The following MYO18B variants were observed in gnomAD, a reference collection of about 807,000 sequenced individuals.
MYO18B encodes myosin XVIIIB.
In MYO18B, 204 loss-of-function variants were observed where a neutral mutation model predicts 273.0. The ratio of observed to expected loss-of-function variants is 0.75; its 90% CI spans 0.67 to 0.84. The LOEUF is 0.84. Ranked by LOEUF, MYO18B falls within the 40% of genes least tolerant of loss-of-function variation. MYO18B has a pLI of 0.00. For missense variants in MYO18B, 3,212 were observed against 3,287.6 expected, an observed-to-expected ratio of 0.98 and a Z score of 0.56; for synonymous variants, 1,330 against 1,305.7, an observed-to-expected ratio of 1.02 and a Z score of -0.40.
At chr22:25,769,491 T>C in intron 4 of MYO18B, 63 bp downstream of exon 4, 3 of 1,383,192 alleles carry the variant, frequency 2.2e-6, no homozygotes, top group South Asian at 3.0e-5. Flanking sequence ...GATGCAGGGA[T>C]GGGAAAGATC....
chr22:26,003,431 A>G (rs1402628002), intron 41 of MYO18B, 122 bp downstream of exon 41: 1 of 839,060 alleles, frequency 1.2e-6, no homozygotes, highest in African/African-American at 1.7e-5. Flanking sequence ...CCATGAGACT[A>G]ATGCCTTCAT....
intron 39 of MYO18B, among the ~76,000 whole-genome samples, chr22:25,988,926 T>C (rs2093230938): frequency 6.6e-6 from 1 of 152,168 alleles, no homozygotes; most frequent in African/African-American, 2.4e-5. Flanking sequence ...GCAGCTCGGC[T>C]CCAGAGCCTA....
At chr22:25,795,686 T>C (rs540650168) in intron 11 of MYO18B, among the ~76,000 whole-genome samples, 1 of 152,338 alleles carries the variant, frequency 6.6e-6, no homozygotes, top group African/African-American at 2.4e-5. Context: ...GCTAGGGATT[T>C]TGTGATCCTG....
At chr22:25,979,366 CCT>C (rs1353613176) in intron 39 of MYO18B, among the ~76,000 whole-genome samples, 2 of 152,074 alleles carry the variant, frequency 1.3e-5, no homozygotes, top group South Asian at 2.1e-4. Flanking sequence ...TAATTATTCC[CCT>C]GTCAGGAAAA....
At chr22:25,909,623 C>T (rs2092116757) in intron 32 of MYO18B, among the ~76,000 whole-genome samples, 1 of 152,184 alleles carries the variant, frequency 6.6e-6, no homozygotes, top group Non-Finnish European at 1.5e-5. Flanking sequence ...GTGCCCTGAG[C>T]CAGGGCTCCA....
At chr22:25,798,252 C>A (rs1601726414) in intron 12 of MYO18B, among the ~76,000 whole-genome samples, 155 bp downstream of exon 12, 1 of 152,118 alleles carries the variant, frequency 6.6e-6, no homozygotes, top group Non-Finnish European at 1.5e-5. Context: ...AACTAGGCGT[C>A]GTGAGGAGGA....
At chr22:25,986,662 G>A (rs2093205740) in intron 39 of MYO18B, among the ~76,000 whole-genome samples, 1 of 152,158 alleles carries the variant, frequency 6.6e-6, no homozygotes, top group Non-Finnish European at 1.5e-5. Flanking sequence ...ATTTTCATCA[G>A]GTTTCAGGAT....
intron 1 of MYO18B, among the ~76,000 whole-genome samples, chr22:25,753,785 G>A (rs1181338463): frequency 6.6e-6 from 1 of 152,174 alleles, no homozygotes; most frequent in Non-Finnish European, 1.5e-5. Flanking sequence ...GAACCCATGA[G>A]AAGGAAGAAA....
chr22:25,908,318 GCAGC>G lies in MYO18B; in HGVS notation c.5149-3_5149del. 2.5e-6 allele frequency: 4 copies of G among 1,571,418 alleles called. No homozygotes were observed. Among genetic ancestry groups the G allele is most frequent in the Non-Finnish European group, 3.5e-6 (4 of 1,158,570 alleles). On this transcript the variant is annotated splice_acceptor_variant and splice_polypyrimidine_tract_variant and coding_sequence_variant and intron_variant, in exon 32 of 44. Coordinates refer to ENST00000335473, the MANE Select transcript of MYO18B (RefSeq NM_032608.7). LOFTEE classifies it high-confidence loss of function. ...CTCACGTGCTGTCCTTGCTGCCCCC[GCAGC>G]TCCGCCAGCGGTTTGAGCTGGAGAT...
chr22:25,961,413 T>C (rs1389348745), intron 39 of MYO18B, among the ~76,000 whole-genome samples: 2 of 152,194 alleles, frequency 1.3e-5, no homozygotes, highest in African/African-American at 4.8e-5. Flanking sequence ...AAGACAGATG[T>C]TGAGGACTGC....
intron 11 of MYO18B, among the ~76,000 whole-genome samples, chr22:25,788,369 T>C (rs1433780693): frequency 6.6e-6 from 1 of 152,204 alleles, no homozygotes; most frequent in Non-Finnish European, 1.5e-5. Flanking sequence ...CTGTCAGGCT[T>C]AGCAAATCAT....
rs564374117 is a variant in MYO18B, at chr22:25,846,110, C to T, written c.3379C>T (p.Arg1127Trp). 5.7e-6 allele frequency: 9 copies of T among 1,567,974 alleles called. No individual in the cohort carries two copies. The East Asian group carries it at 9.3e-5, about 16-fold the overall frequency. ...VLHQSKREEL[R>W]SLFQARAKLP... ...CCTCCTCCCCACCAGAGAGGAGCTG[C>T]GGAGTCTATTCCAGGCCCGGGCCAA... Residue 1127 changes from arginine (R) to tryptophan (W), a missense_variant, in exon 19 of 44, where the codon CGG becomes TGG. Arg to Trp is a moderately radical substitution (Grantham distance 101). Coordinates refer to ENST00000335473, the MANE Select transcript of MYO18B (RefSeq NM_032608.7).
At chr22:25,963,813 A>G (rs1210239761) in intron 39 of MYO18B, among the ~76,000 whole-genome samples, 1 of 151,956 alleles carries the variant, frequency 6.6e-6, no homozygotes, top group East Asian at 1.9e-4. Context: ...TGTATACAAA[A>G]GTGTCAAATG....
At chr22:25,877,368 G>T (rs8137161) in intron 24 of MYO18B, 65,127 of 152,032 alleles carry the variant, frequency 0.43, 14,535 homozygotes, top group Admixed American at 0.57. Flanking sequence ...GGTATAATGT[G>T]ATGTTTTGAT....
At position 25,958,123 on chromosome 22, in the gene MYO18B, C is replaced by T. The variant is rs142849079; in HGVS notation, c.6156+2759C>T. On this transcript the variant is annotated intron_variant, in intron 39 of 43. Coordinates refer to ENST00000335473, the MANE Select transcript of MYO18B (RefSeq NM_032608.7). ...AGAGGCGGGGTTTCACCATGTTGGC[C>T]AAGCTAGTCTCGAACCCCTGACCTC... 1.6e-3 allele frequency among the ~76,000 whole-genome samples: 241 copies of T among 152,132 alleles called. 3 individuals are homozygous for T. The highest frequency in any genetic ancestry group is 0.011 in the South Asian group (54 of 4,822).
intron 4 of MYO18B, 127 bp downstream of exon 4, chr22:25,769,555 G>C: frequency 1.1e-6 from 1 of 894,998 alleles, no homozygotes; most frequent in Non-Finnish European, 1.6e-6. Flanking sequence ...ATTGGAGAGG[G>C]GTGGCTGGAA....
At position 25,761,347 on chromosome 22, in the gene MYO18B, C is replaced by G. The variant is rs112270883; in HGVS notation, c.39+216C>G. Among the ~76,000 whole-genome samples the G allele has an allele frequency of 4.0e-3, 614 of 152,038 alleles. 3 individuals carry two copies. The highest frequency in any genetic ancestry group is 0.024 in the Middle Eastern group (7 of 294). On this transcript the variant is annotated intron_variant, in intron 2 of 43. Transcript: ENST00000335473. ...CTGATGGCCATACCCTTGACGCCCC[C>G]CCGAGGGCTGCCTGGTTGTTTCCTG...
At chr22:25,899,214 C>T (rs1225552845) in intron 29 of MYO18B, 1 of 152,226 alleles carries the variant, frequency 6.6e-6, no homozygotes, top group East Asian at 1.9e-4. Flanking sequence ...CAGATTCGCA[C>T]ACTCATAGGC....
At chr22:25,769,920 T>G (rs1471314907) in intron 4 of MYO18B, 190 bp from the exon 5 acceptor site, 1 of 633,994 alleles carries the variant, frequency 1.6e-6, no homozygotes. Context: ...TGCAGTGGTG[T>G]GATCTCGGCT....
Sources: allele counts gnomAD v4.1 joint callset (sites outside exome capture counted in the v4.1 genomes callset), GRCh38; gene constraint gnomAD v4.1.1; transcripts MANE v1.5; gene names NCBI Gene and HGNC (gene_info 2026-07-23, HGNC 2026-07-21).